The following PLCE1 variants were observed in gnomAD, a reference collection of about 807,000 sequenced individuals.
PLCE1 encodes phospholipase C epsilon 1.
PLCE1 carries 119 observed loss-of-function variants against 242.8 expected under a neutral mutation model. That is an observed-to-expected ratio of 0.49 (90% CI 0.42 to 0.57). The LOEUF (loss-of-function observed/expected upper bound fraction) is 0.57. Ranked by LOEUF, PLCE1 falls within the 20% of genes least tolerant of loss-of-function variation. The pLI, the probability that PLCE1 is intolerant of heterozygous loss-of-function variation, is 0.00. For synonymous variants in PLCE1, 945 were observed against 1,017.4 expected, an observed-to-expected ratio of 0.93 and a Z score of 1.35; for missense variants, 2,441 against 2,788.8, an observed-to-expected ratio of 0.88 and a Z score of 2.81.
chr10:94,263,262 C>T (rs1334998189), intron 14 of PLCE1, among the ~76,000 whole-genome samples: 1 of 151,840 alleles, frequency 6.6e-6, no homozygotes, highest in Non-Finnish European at 1.5e-5. Flanking sequence ...GCCTGTAATC[C>T]CAGCACTCTG....
intron 2 of PLCE1, among the ~76,000 whole-genome samples, chr10:94,066,496 A>G (rs1248384980): frequency 1.3e-5 from 2 of 152,224 alleles, no homozygotes; most frequent in East Asian, 3.9e-4. Context: ...GGTATGGTGG[A>G]GGTATTAATG....
At chr10:94,057,879 T>C (rs1304001232) in intron 2 of PLCE1, among the ~76,000 whole-genome samples, 1 of 152,184 alleles carries the variant, frequency 6.6e-6, no homozygotes, top group African/African-American at 2.4e-5. Context: ...GCAGGGTTCA[T>C]TTCCTTCTCC....
At chr10:94,183,235 A>G (rs960619235) in intron 4 of PLCE1, among the ~76,000 whole-genome samples, 4 of 152,216 alleles carry the variant, frequency 2.6e-5, no homozygotes, top group African/African-American at 9.7e-5. Flanking sequence ...CATTTGCCCA[A>G]AAGATTTAAA....
At chr10:94,032,313 T>C in intron 2 of PLCE1, 61 bp downstream of exon 2, 2 of 1,448,720 alleles carry the variant, frequency 1.4e-6, no homozygotes, top group Non-Finnish European at 9.6e-7. Context: ...CAAAAAAAAG[T>C]CCAAATTTCC....
intron 4 of PLCE1, among the ~76,000 whole-genome samples, chr10:94,183,315 A>G (rs2048368842): frequency 6.6e-6 from 1 of 152,208 alleles, no homozygotes. Context: ...TTTCAGTACC[A>G]ACTTTTGTAC....
At chr10:94,004,251 G>A (rs979160482) in intron 1 of PLCE1, among the ~76,000 whole-genome samples, 1 of 152,180 alleles carries the variant, frequency 6.6e-6, no homozygotes, top group Non-Finnish European at 1.5e-5. Flanking sequence ...CCATCCTTGA[G>A]GATTCTGGAC....
chr10:94,278,467 A>G (rs1016791414), intron 19 of PLCE1, among the ~76,000 whole-genome samples: 2 of 152,150 alleles, frequency 1.3e-5, no homozygotes, highest in Non-Finnish European at 2.9e-5. Context: ...TTTATGCTCA[A>G]TTTATATTTT....
At chr10:94,192,095 G>T (rs2048686081) in intron 4 of PLCE1, among the ~76,000 whole-genome samples, 1 of 152,162 alleles carries the variant, frequency 6.6e-6, no homozygotes. Flanking sequence ...TGAACGATGA[G>T]GAATGATTAA....
intron 2 of PLCE1, among the ~76,000 whole-genome samples, chr10:94,124,145 T>C (rs1162389082): frequency 2.0e-5 from 3 of 152,082 alleles, no homozygotes; most frequent in Admixed American, 1.3e-4. Context: ...GCTGGGACGC[T>C]GAGGCGGGAG....
chr10:94,224,347 G>T (rs553020859), intron 4 of PLCE1, among the ~76,000 whole-genome samples: 2 of 152,314 alleles, frequency 1.3e-5, no homozygotes, highest in Non-Finnish European at 2.9e-5. Context: ...CAAACCAAGT[G>T]GTGGTCTCCA....
intron 4 of PLCE1, among the ~76,000 whole-genome samples, chr10:94,196,899 A>T (rs1336088260): frequency 6.6e-6 from 1 of 152,154 alleles, no homozygotes; most frequent in African/African-American, 2.4e-5. Context: ...TTTTTCATAT[A>T]TTTACGGACT....
At position 94,246,090 on chromosome 10, in the gene PLCE1, C is replaced by T. The variant is rs760519856; in HGVS notation, c.2565C>T (p.Ala855=). 15 of 1,614,076 alleles carry T rather than the reference C, an allele frequency of 9.3e-6. No individual in the cohort carries two copies. Among genetic ancestry groups the T allele is most frequent in the East Asian group, 8.9e-5 (4 of 44,862 alleles). The change falls in exon 8 of 33, where the codon GCC becomes GCT. Residue 855 remains alanine (A), a synonymous_variant. Transcript: ENST00000371380. ...CTTGGTACGTGCTGTCCATCCAAGC[C>T]GATGTGCACCAGTTCCTGCTGCAGG... is the stretch of plus-strand genomic sequence containing the variant. ...LIPWYVLSIQ[A]DVHQFLLQGA... is the part of the protein sequence containing the mutation.
chr10:94,262,967 G>A (rs1190731595), intron 14 of PLCE1, among the ~76,000 whole-genome samples: 1 of 151,648 alleles, frequency 6.6e-6, no homozygotes, highest in African/African-American at 2.4e-5. Context: ...CGCCTCCCAG[G>A]TTCAAACGAT....
rs772085555 is a variant in PLCE1, at chr10:94,241,789, GAAAA to G, written c.2421-4142_2421-4139del. 3.6e-4 allele frequency among the ~76,000 whole-genome samples: 24 copies of G among 67,132 alleles called. 1 individual carries two copies. The highest frequency in any genetic ancestry group is 4.0e-4 in the Non-Finnish European group (13 of 32,340). The allele number at this position is 67,132 out of a possible 152,430, so 44.0% of individuals were successfully genotyped here. ...GCAACAGAGCAAGACTCCATCTCCA[GAAAA>G]AAAAAAAAAAAAAAGCCCCTCTAGA... On this transcript the variant is annotated intron_variant, in intron 7 of 32. Transcript: ENST00000371380.
At position 94,094,133 on chromosome 10, in the gene PLCE1, G is replaced by A. The variant is rs546680554; in HGVS notation, c.1207-38041G>A. Among the ~76,000 whole-genome samples, 1,404 of 150,070 alleles carry A rather than the reference G, an allele frequency of 9.4e-3. 26 individuals carry two copies. Among genetic ancestry groups the A allele is most frequent in the Middle Eastern group, 0.044 (13 of 294 alleles). ...ATTTTTTGTATTTTTAGTAGAGACG[G>A]GGTTTCACCGTTTTAGCCGGGATGG... On this transcript the variant is annotated intron_variant, in intron 2 of 32. Coordinates refer to ENST00000371380, the MANE Select transcript of PLCE1 (RefSeq NM_016341.4).
intron 2 of PLCE1, chr10:94,100,352 G>C (rs2045485257): frequency 6.6e-6 from 1 of 152,150 alleles, no homozygotes; most frequent in African/African-American, 2.4e-5. Flanking sequence ...CACAGAGTTA[G>C]GCTGCTAAAG....
intron 4 of PLCE1, among the ~76,000 whole-genome samples, chr10:94,192,712 GGTCGAATA>G (rs1294409319): frequency 6.6e-6 from 1 of 152,064 alleles, no homozygotes; most frequent in Non-Finnish European, 1.5e-5. Context: ...GAGATTGCTG[GGTCGAATA>G]GTAGTTCTAT....
chr10:94,099,754 T>A (rs2045452525), intron 2 of PLCE1: 1 of 152,196 alleles, frequency 6.6e-6, no homozygotes, highest in Non-Finnish European at 1.5e-5. Flanking sequence ...ATGGAGACAT[T>A]AACTTGCATT....
At chr10:94,222,331 C>CTTCATTTA (rs1554887546) in intron 4 of PLCE1, among the ~76,000 whole-genome samples, 26 of 151,968 alleles carry the variant, frequency 1.7e-4, no homozygotes, top group Non-Finnish European at 3.5e-4. Context: ...AGGAGGTAAG[C>CTTCATTTA]TTCATTCATT....
Sources: gnomAD v4.1 joint callset for allele counts (sites outside exome capture counted in the v4.1 genomes callset) on GRCh38, gnomAD v4.1.1 for gene constraint, MANE v1.5 for transcripts, NCBI Gene and HGNC (gene_info 2026-07-23, HGNC 2026-07-21) for gene names.